Variants in LMX1A observed in about 807,000 individuals in gnomAD.
LMX1A encodes the protein LIM homeobox transcription factor 1 alpha, also known as LIM homeobox transcription factor 1-alpha.
Under a neutral mutation model 49.1 loss-of-function variants are expected in LMX1A, and 15 were observed. That is an observed-to-expected ratio of 0.31 (90% confidence interval 0.20 to 0.47). LMX1A has a LOEUF of 0.47. LMX1A is among the 20% of genes least tolerant of loss of function. LMX1A has a pLI of 1.00. For synonymous variants in LMX1A, 167 were observed against 185.7 expected, an observed-to-expected ratio of 0.90 and a Z score of 0.82; for missense variants, 372 against 475.8, an observed-to-expected ratio of 0.78 and a Z score of 2.03.
chr1:165,342,938 C>A (rs1656120006), intron 3 of LMX1A, among the ~76,000 whole-genome samples: 1 of 152,018 alleles, frequency 6.6e-6, no homozygotes, highest in African/African-American at 2.4e-5. Context: ...AACAGCGTGA[C>A]CTTGGGCAAG....
intron 3 of LMX1A, among the ~76,000 whole-genome samples, chr1:165,257,825 A>G (rs1435767248): frequency 3.9e-5 from 6 of 152,188 alleles, no homozygotes; most frequent in Admixed American, 3.3e-4. Context: ...AGCCTCCACA[A>G]CATAGACAAA....
Position 165,299,709 on chromosome 1 carries a change from CAT to C in LMX1A, c.264-50071_264-50070del, listed in dbSNP as rs567718555. Among the ~76,000 whole-genome samples the C allele has an allele frequency of 7.6e-5, 11 of 144,430 alleles. No individual in the cohort carries two copies. In the South Asian group the frequency reaches 8.8e-4, roughly 12 times the overall value. 94.8% of individuals were successfully genotyped at this position (144,430 alleles called of 152,430 possible). ...ATAATTCAGTTTCGGGATGTTAAAA[CAT>C]ATTTCTCTCTTGGAGTTCCTGCACG... On this transcript the variant is annotated intron_variant, in intron 3 of 8. Coordinates refer to ENST00000342310, the MANE Select transcript of LMX1A (RefSeq NM_177398.4).
chr1:165,315,966 T>A (rs973332676), intron 3 of LMX1A, among the ~76,000 whole-genome samples: 1 of 152,218 alleles, frequency 6.6e-6, no homozygotes, highest in African/African-American at 2.4e-5. Flanking sequence ...GGATTTCAGA[T>A]CCTGTCATGG....
At chr1:165,293,484 T>C (rs1654535136) in intron 3 of LMX1A, among the ~76,000 whole-genome samples, 2 of 152,228 alleles carry the variant, frequency 1.3e-5, no homozygotes, top group Non-Finnish European at 2.9e-5. Context: ...TTTCCAGCTC[T>C]GTAAGGCTGT....
chr1:165,332,077 T>G (rs748595988), intron 3 of LMX1A, among the ~76,000 whole-genome samples: 3 of 152,188 alleles, frequency 2.0e-5, no homozygotes, highest in Non-Finnish European at 2.9e-5. Flanking sequence ...CTGTGAATTT[T>G]TAGGGAGGTA....
At chr1:165,272,159 A>T (rs935834496) in intron 3 of LMX1A, among the ~76,000 whole-genome samples, 4 of 152,094 alleles carry the variant, frequency 2.6e-5, no homozygotes, top group Non-Finnish European at 5.9e-5. Flanking sequence ...CTGCCCACCA[A>T]GGGGCTTGGT....
intron 2 of LMX1A, among the ~76,000 whole-genome samples, chr1:165,354,362 G>T (rs571112214): frequency 6.6e-6 from 1 of 152,212 alleles, no homozygotes; most frequent in Non-Finnish European, 1.5e-5. Flanking sequence ...TTTTCTTTCG[G>T]TAGGGTCTCG....
At chr1:165,292,600 C>T (rs1285761774) in intron 3 of LMX1A, among the ~76,000 whole-genome samples, 2 of 152,190 alleles carry the variant, frequency 1.3e-5, no homozygotes, top group African/African-American at 4.8e-5. Context: ...CTGGTTTGTA[C>T]ATTAAAATGC....
chr1:165,248,459 C>T (rs1374531855), intron 4 of LMX1A, among the ~76,000 whole-genome samples: 1 of 149,296 alleles, frequency 6.7e-6, no homozygotes, highest in African/African-American at 2.4e-5. Flanking sequence ...GAATGCTGAG[C>T]TGTGGGGACC....
intron 3 of LMX1A, among the ~76,000 whole-genome samples, chr1:165,304,567 T>A (rs1469386515): frequency 5.3e-5 from 8 of 152,198 alleles, no homozygotes; most frequent in Admixed American, 5.2e-4. Flanking sequence ...TAATTAAGAA[T>A]TAACTGCACA....
At chr1:165,263,212 C>T (rs1050254247) in intron 3 of LMX1A, among the ~76,000 whole-genome samples, 2 of 152,186 alleles carry the variant, frequency 1.3e-5, no homozygotes, top group African/African-American at 4.8e-5. Flanking sequence ...TATCTCCACC[C>T]CAGCTTGCTC....
At chr1:165,259,607 G>A (rs1378341797) in intron 3 of LMX1A, among the ~76,000 whole-genome samples, 1 of 152,110 alleles carries the variant, frequency 6.6e-6, no homozygotes, top group Non-Finnish European at 1.5e-5. Context: ...CACCAAGAGA[G>A]CAGTCAACCT....
chr1:165,335,405 A>G (rs1028323940), intron 3 of LMX1A, among the ~76,000 whole-genome samples: 17 of 152,212 alleles, frequency 1.1e-4, no homozygotes, highest in African/African-American at 3.9e-4. Flanking sequence ...AAATGGATTA[A>G]TTAGGGAGCA....
chr1:165,312,024 T>C (rs760222953), intron 3 of LMX1A, among the ~76,000 whole-genome samples: 9 of 152,240 alleles, frequency 5.9e-5, no homozygotes, highest in Non-Finnish European at 1.0e-4. Context: ...CGTACTGTTA[T>C]ATCCTCATAT....
At chr1:165,272,440 G>T (rs1653824461) in intron 3 of LMX1A, among the ~76,000 whole-genome samples, 1 of 152,160 alleles carries the variant, frequency 6.6e-6, no homozygotes, top group Non-Finnish European at 1.5e-5. Flanking sequence ...GCAACCAAGT[G>T]GTGGAAGAGA....
intron 3 of LMX1A, among the ~76,000 whole-genome samples, chr1:165,341,126 G>A (rs572822968): frequency 6.6e-6 from 1 of 152,244 alleles, no homozygotes; most frequent in East Asian, 1.9e-4. Context: ...CCTGCTGGCT[G>A]CCTACTAACC....
At chr1:165,317,542 G>A (rs1051425627) in intron 3 of LMX1A, among the ~76,000 whole-genome samples, 4 of 152,118 alleles carry the variant, frequency 2.6e-5, no homozygotes, top group East Asian at 1.9e-4. Context: ...CTTACCACAC[G>A]GGGAAAAAAT....
chr1:165,287,044 G>A (rs1654321367), intron 3 of LMX1A, among the ~76,000 whole-genome samples: 2 of 152,098 alleles, frequency 1.3e-5, no homozygotes, highest in Non-Finnish European at 2.9e-5. Flanking sequence ...TTAATAATAT[G>A]TTAATAGAAA....
At chr1:165,320,139 T>C (rs1367763264) in intron 3 of LMX1A, among the ~76,000 whole-genome samples, 1 of 152,134 alleles carries the variant, frequency 6.6e-6, no homozygotes, top group Non-Finnish European at 1.5e-5. Context: ...GAATAGAAAA[T>C]TGGGATCTTT....
Sources: allele counts gnomAD v4.1 joint callset (sites outside exome capture counted in the v4.1 genomes callset), GRCh38; gene constraint gnomAD v4.1.1; transcripts MANE v1.5; gene names NCBI Gene and HGNC (gene_info 2026-07-23, HGNC 2026-07-21).